The following PLEKHB2 variants were observed in gnomAD, a reference collection of about 807,000 sequenced individuals.
The protein encoded by PLEKHB2 is pleckstrin homology domain-containing family B member 2.
Under a neutral mutation model 36.5 loss-of-function variants are expected in PLEKHB2, and 31 were observed. The observed-to-expected ratio is 0.85, with a 90% CI of 0.64 to 1.15. The LOEUF (loss-of-function observed/expected upper bound fraction) is 1.15, where lower values mean the gene tolerates loss of function less well. Ranked by LOEUF, PLEKHB2 falls within the 50% of genes most tolerant of loss-of-function variation. The pLI is 0.00. For missense variants in PLEKHB2, 262 were observed against 295.3 expected, an observed-to-expected ratio of 0.89 and a Z score of 0.83; for synonymous variants, 119 against 112.0, an observed-to-expected ratio of 1.06 and a Z score of -0.39.
intron 1 of PLEKHB2, among the ~76,000 whole-genome samples, chr2:131,113,999 T>C (rs917200399): frequency 6.6e-6 from 1 of 152,210 alleles, no homozygotes; most frequent in Non-Finnish European, 1.5e-5. Flanking sequence ...TGTTAGCACA[T>C]AACAAAGTAG....
At chr2:131,140,767 G>A (rs1698706255) in intron 7 of PLEKHB2, among the ~76,000 whole-genome samples, 2 of 152,230 alleles carry the variant, frequency 1.3e-5, no homozygotes, top group South Asian at 4.1e-4. Context: ...AGTAACTGGT[G>A]TAGAGGTATC....
chr2:131,125,982 C>T (rs1697060649), intron 3 of PLEKHB2, 77 bp downstream of exon 3: 1 of 1,411,088 alleles, frequency 7.1e-7, no homozygotes, highest in Admixed American at 1.8e-5. Flanking sequence ...CTCTTCCTTC[C>T]CTGTTCTGCT....
At chr2:131,105,806 G>T (rs962488326) in intron 1 of PLEKHB2, among the ~76,000 whole-genome samples, 2 of 152,096 alleles carry the variant, frequency 1.3e-5, no homozygotes, top group African/African-American at 4.8e-5. Context: ...GGCCGCTCGG[G>T]AGTGTCCCAC....
intron 1 of PLEKHB2, among the ~76,000 whole-genome samples, chr2:131,112,758 T>C (rs1412259477): frequency 1.3e-5 from 2 of 152,170 alleles, no homozygotes; most frequent in Non-Finnish European, 2.9e-5. Flanking sequence ...TTTATCAGCT[T>C]GTCTGGAAAC....
chr2:131,108,707 C>T (rs1694977295), intron 1 of PLEKHB2, among the ~76,000 whole-genome samples: 1 of 152,198 alleles, frequency 6.6e-6, no homozygotes, highest in African/African-American at 2.4e-5. Flanking sequence ...CTGACCTGGG[C>T]TGGGGCCATG....
chr2:131,134,733 A>G (rs1461180554), intron 6 of PLEKHB2, among the ~76,000 whole-genome samples: 1 of 152,230 alleles, frequency 6.6e-6, no homozygotes, highest in Non-Finnish European at 1.5e-5. Flanking sequence ...ATTAGAATAA[A>G]TTTGTTTATA....
intron 6 of PLEKHB2, among the ~76,000 whole-genome samples, chr2:131,136,948 C>CTTT (rs749691633): frequency 3.7e-5 from 5 of 134,162 alleles, no homozygotes; most frequent in South Asian, 4.5e-4. Flanking sequence ...TCTTTTCTTT[C>CTTT]TTTTTTTTTT....
chr2:131,113,088 T>C (rs1573527373), intron 1 of PLEKHB2, among the ~76,000 whole-genome samples: 1 of 34,984 alleles, frequency 2.9e-5, no homozygotes, highest in South Asian at 1.0e-3. Flanking sequence ...CGCTGAAGAA[T>C]TTTTTTTTTT....
chr2:131,111,807 A>G (rs1014480153), intron 1 of PLEKHB2, among the ~76,000 whole-genome samples: 1 of 151,992 alleles, frequency 6.6e-6, no homozygotes, highest in East Asian at 1.9e-4. Context: ...TAATATTTTT[A>G]AAGTTTTCTT....
intron 1 of PLEKHB2, among the ~76,000 whole-genome samples, chr2:131,117,330 G>T (rs1397399023): frequency 2.0e-5 from 3 of 152,184 alleles, no homozygotes; most frequent in Non-Finnish European, 4.4e-5. Context: ...GGGAGGCTGA[G>T]GCAGGAGAAT....
At chr2:131,132,787 G>A (rs1697839799) in intron 5 of PLEKHB2, 115 bp from the exon 6 acceptor site, 3 of 658,060 alleles carry the variant, frequency 4.6e-6, no homozygotes, top group South Asian at 2.1e-5. Context: ...AGAGAGCTAT[G>A]TATCTTTTTG....
chr2:131,129,861 A>G (rs1419260640), intron 4 of PLEKHB2, among the ~76,000 whole-genome samples: 1 of 152,096 alleles, frequency 6.6e-6, no homozygotes, highest in African/African-American at 2.4e-5. Flanking sequence ...TTTTTTGACA[A>G]TATAGTGTAA....
chr2:131,132,903 C>T lies in PLEKHB2; in HGVS notation c.335C>T (p.Ala112Val), dbSNP rs375234542. 4.4e-6 allele frequency: 7 copies of T among 1,593,234 alleles called. No individual in the cohort carries two copies. The highest frequency in any genetic ancestry group is 1.7e-5 in the Admixed American group (1 of 59,970). Residue 112 changes from alanine to valine, a missense_variant and splice_region_variant, in exon 6 of 8, where the codon GCG becomes GTG. Ala to Val is a moderately conservative substitution (Grantham distance 64). Transcript: ENST00000693505. ...FTLQDSRTNTAYVGSAVMTDE... is the reference protein window; with the variant it reads ...FTLQDSRTNTVYVGSAVMTDE... ...CTCACCCTCTCCTGTCTCCCGCAGG[C>T]GTATGTGGGCTCTGCAGTCATGACC...
At chr2:131,136,357 C>T (rs2104935720) in intron 6 of PLEKHB2, among the ~76,000 whole-genome samples, 1 of 151,204 alleles carries the variant, frequency 6.6e-6, no homozygotes, top group Non-Finnish European at 1.5e-5. Context: ...CCTCCTGAGC[C>T]ACCATGGCTG....
Position 131,140,256 on chromosome 2 carries a change from C to T in PLEKHB2, c.513C>T (p.Pro171=). Residue 171 remains proline, a synonymous_variant, in exon 7 of 8, where the codon CCC becomes CCT. Coordinates refer to ENST00000693505, the MANE Select transcript of PLEKHB2 (RefSeq NM_001100623.2). ...CGAATGGGCAGGCGTATGCCGTGCC[C>T]TACCAGTACCCATATGCAGGTAACT... ...YAANGQAYAV[P]YQYPYAGLYG... The T allele has an allele frequency of 8.7e-6, 14 of 1,603,316 alleles. No individual in the cohort carries two copies. Among genetic ancestry groups the T allele is most frequent in the Non-Finnish European group, 1.2e-5 (14 of 1,170,806 alleles).
intron 1 of PLEKHB2, among the ~76,000 whole-genome samples, chr2:131,119,819 G>A (rs1191578897): frequency 6.6e-6 from 1 of 151,990 alleles, no homozygotes; most frequent in African/African-American, 2.4e-5. Flanking sequence ...GAAATTCAGT[G>A]TCTTTTTACG....
At chr2:131,132,458 C>G (rs993398813) in intron 5 of PLEKHB2, among the ~76,000 whole-genome samples, 1 of 152,046 alleles carries the variant, frequency 6.6e-6, no homozygotes, top group Non-Finnish European at 1.5e-5. Flanking sequence ...AAGCACCATG[C>G]CCAGTTAATT....
chr2:131,106,001 C>CCT (rs1333895280), intron 1 of PLEKHB2, among the ~76,000 whole-genome samples: 3 of 152,212 alleles, frequency 2.0e-5, no homozygotes, highest in Non-Finnish European at 4.4e-5. Flanking sequence ...GCCCCCGCTG[C>CCT]ATTTCACCTG....
At position 131,113,716 on chromosome 2, in the gene PLEKHB2, A is replaced by C. The variant is rs7591605; in HGVS notation, c.-8-7218A>C. Among the ~76,000 whole-genome samples, 267 of 152,262 alleles carry C rather than the reference A, an allele frequency of 1.8e-3. 1 individual carries two copies. Among genetic ancestry groups the C allele is most frequent in the African/African-American group, 5.8e-3 (239 of 41,540 alleles). ...CTGAGCTAGAGTCTGAGAAGTAAGG[A>C]AGAAGATGGAGAATTTGACTTTCAC... is the stretch of plus-strand genomic sequence containing the variant. On this transcript the variant is annotated intron_variant, in intron 1 of 7. Coordinates refer to ENST00000693505, the MANE Select transcript of PLEKHB2 (RefSeq NM_001100623.2).
Sources: allele counts gnomAD v4.1 joint callset (sites outside exome capture counted in the v4.1 genomes callset), GRCh38; gene constraint gnomAD v4.1.1; transcripts MANE v1.5; gene names NCBI Gene and HGNC (gene_info 2026-07-23, HGNC 2026-07-21).